CDC14A: variants seen among roughly 807,000 people sequenced by gnomAD.
CDC14A encodes dual specificity protein phosphatase CDC14A.
CDC14A carries 53 observed loss-of-function variants against 74.4 expected under a neutral mutation model. The ratio of observed to expected loss-of-function variants is 0.71; its 90% CI spans 0.57 to 0.89. The LOEUF is 0.89. CDC14A is among the 40% of genes least tolerant of loss of function. The pLI is 0.00. For missense variants in CDC14A, 646 were observed against 713.7 expected, an observed-to-expected ratio of 0.91 and a Z score of 1.08; for synonymous variants, 247 against 258.4, an observed-to-expected ratio of 0.96 and a Z score of 0.43.
chr1:100,486,687 A>C (rs1032799851), intron 11 of CDC14A, among the ~76,000 whole-genome samples: 2 of 152,252 alleles, frequency 1.3e-5, no homozygotes, highest in African/African-American at 4.8e-5. Context: ...ACAAATATTC[A>C]GACCATAGCA....
At chr1:100,461,576 C>T (rs28364880) in intron 8 of CDC14A, among the ~76,000 whole-genome samples, 4,391 of 152,266 alleles carry the variant, frequency 0.029, 84 homozygotes, top group Middle Eastern at 0.051. Context: ...GAACTTAGTC[C>T]CCTGAACTTT....
At position 100,454,274 on chromosome 1, in the gene CDC14A, A is replaced by T. The variant is rs1381688127; in HGVS notation, c.520-1131A>T. Among the ~76,000 whole-genome samples the T allele has an allele frequency of 2.0e-5, 3 of 149,190 alleles. No homozygotes were observed. The South Asian group carries it at 6.8e-4, about 34-fold the overall frequency. On this transcript the variant is annotated intron_variant, in intron 7 of 15. Coordinates refer to ENST00000336454, the MANE Select transcript of CDC14A (RefSeq NM_003672.4). ...ATAATGGGGGGAGAAAGCTTTTTAT[A>T]TGGATGGTAACGGATGGCCCAGTGA...
intron 11 of CDC14A, chr1:100,485,228 G>A: frequency 1.0e-6 from 1 of 985,366 alleles, no homozygotes; most frequent in Non-Finnish European, 1.2e-6. Flanking sequence ...CAGAAAATTT[G>A]TGATTTGTGT....
intron 10 of CDC14A, among the ~76,000 whole-genome samples, chr1:100,477,092 C>G (rs1167470691): frequency 6.6e-6 from 1 of 152,150 alleles, no homozygotes; most frequent in Admixed American, 6.5e-5. Flanking sequence ...CAAATTATCT[C>G]CTCAAAGCCT....
intron 10 of CDC14A, among the ~76,000 whole-genome samples, chr1:100,478,003 G>A (rs1669091355): frequency 1.3e-5 from 2 of 152,122 alleles, no homozygotes; most frequent in South Asian, 4.1e-4. Flanking sequence ...AGTTGTTGAT[G>A]AATTTACTTA....
intron 12 of CDC14A, among the ~76,000 whole-genome samples, 160 bp downstream of exon 12, chr1:100,495,090 A>G (rs1432514159): frequency 6.6e-6 from 1 of 152,188 alleles, no homozygotes; most frequent in African/African-American, 2.4e-5. Flanking sequence ...CACTGTTGGG[A>G]GTAGCTAAAG....
chr1:100,420,082 AGTGTG>A (rs1662170560), intron 4 of CDC14A, among the ~76,000 whole-genome samples: 1 of 105,550 alleles, frequency 9.5e-6, no homozygotes, highest in African/African-American at 3.3e-5. Context: ...ATATATATAT[AGTGTG>A]TATGTGTGTG....
chr1:100,432,520 G>T (rs1663818910), intron 5 of CDC14A, among the ~76,000 whole-genome samples: 1 of 152,174 alleles, frequency 6.6e-6, no homozygotes, highest in Non-Finnish European at 1.5e-5. Flanking sequence ...AAAAGGCGGG[G>T]TGTGGTGACT....
At chr1:100,382,938 A>G (rs1656346637) in intron 3 of CDC14A, among the ~76,000 whole-genome samples, 2 of 152,320 alleles carry the variant, frequency 1.3e-5, no homozygotes, top group South Asian at 2.1e-4. Flanking sequence ...CTGCCACCCT[A>G]TCGGGGGTTA....
At chr1:100,346,631 CA>C (rs200477363) in intron 1 of CDC14A, among the ~76,000 whole-genome samples, 15,862 of 77,908 alleles carry the variant, frequency 0.2, 757 homozygotes, top group Admixed American at 0.32. Flanking sequence ...GACTCTGTCT[CA>C]AAAAAAAAAA....
chr1:100,498,834 C>T, intron 14 of CDC14A, 95 bp from the exon 15 acceptor site: 1 of 1,457,300 alleles, frequency 6.9e-7, no homozygotes, highest in Non-Finnish European at 9.1e-7. Flanking sequence ...ATCATGTTCC[C>T]CTAATGTCAT....
intron 4 of CDC14A, among the ~76,000 whole-genome samples, chr1:100,420,648 A>G (rs1312162258): frequency 2.0e-5 from 3 of 152,170 alleles, no homozygotes; most frequent in Admixed American, 2.0e-4. Context: ...GATATAAAAC[A>G]TTTTACATCA....
At chr1:100,358,841 G>A (rs560275031) in intron 2 of CDC14A, among the ~76,000 whole-genome samples, 2 of 152,184 alleles carry the variant, frequency 1.3e-5, no homozygotes, top group Non-Finnish European at 2.9e-5. Context: ...GAGAAGCATG[G>A]AAAAACTACT....
At chr1:100,509,148 G>A (rs145456950) in intron 15 of CDC14A, among the ~76,000 whole-genome samples, 13 of 152,206 alleles carry the variant, frequency 8.5e-5, no homozygotes, top group African/African-American at 2.6e-4. Flanking sequence ...TACATGCTAT[G>A]TCCCCAACTT....
At chr1:100,488,176 A>T (rs1015319406) in intron 11 of CDC14A, among the ~76,000 whole-genome samples, 1 of 152,228 alleles carries the variant, frequency 6.6e-6, no homozygotes, top group African/African-American at 2.4e-5. Flanking sequence ...AAAGTACTTT[A>T]TTTAAAGTGC....
intron 15 of CDC14A, among the ~76,000 whole-genome samples, chr1:100,501,050 G>A (rs1648663887): frequency 6.6e-6 from 1 of 151,912 alleles, no homozygotes; most frequent in African/African-American, 2.4e-5. Context: ...ACAGATTAGG[G>A]TCCCAGGAAA....
At chr1:100,456,432 C>A (rs1406367721) in intron 8 of CDC14A, among the ~76,000 whole-genome samples, 1 of 143,264 alleles carries the variant, frequency 7.0e-6, no homozygotes, top group Non-Finnish European at 1.5e-5. Context: ...AAAATATCCC[C>A]CCCCCTTTTT....
chr1:100,410,449 G>T (rs2101036069), intron 4 of CDC14A, among the ~76,000 whole-genome samples: 2 of 152,180 alleles, frequency 1.3e-5, no homozygotes, highest in Admixed American at 1.3e-4. Context: ...AGCCTCCCGG[G>T]TAGCTGGATT....
At position 100,388,439 on chromosome 1, in the gene CDC14A, T is replaced by C. The variant is rs138960947; in HGVS notation, c.217-2293T>C. On this transcript the variant is annotated intron_variant, in intron 3 of 15. Coordinates refer to ENST00000336454, the MANE Select transcript of CDC14A (RefSeq NM_003672.4). ...GTGTCAGCACCATTGGTTGTAACCT[T>C]TACATCCCTAGGTAACTTCAATGCA... Among the ~76,000 whole-genome samples the C allele has an allele frequency of 2.6e-3, 391 of 152,288 alleles. 1 individual carries two copies. The highest frequency in any genetic ancestry group is 4.5e-3 in the Non-Finnish European group (306 of 68,016).
Sources: allele counts gnomAD v4.1 joint callset (sites outside exome capture counted in the v4.1 genomes callset), GRCh38; gene constraint gnomAD v4.1.1; transcripts MANE v1.5; gene names NCBI Gene and HGNC (gene_info 2026-07-23, HGNC 2026-07-21).